Variants in CADM1 observed in about 807,000 individuals in gnomAD.
CADM1 encodes the protein cell adhesion molecule 1.
CADM1 carries 15 observed loss-of-function variants against 53.1 expected under a neutral mutation model. The ratio of observed to expected loss-of-function variants is 0.28; its 90% CI spans 0.19 to 0.44. The LOEUF is 0.44. Among genes scored for constraint, CADM1 ranks in the 20% least tolerant of loss-of-function variants. CADM1 has a pLI of 1.00. For synonymous variants in CADM1, 281 were observed against 243.0 expected (o/e 1.16, Z -1.45); for missense variants, 434 against 611.3 (o/e 0.71, Z 3.06).
chr11:115,485,523 A>T (rs1949354712), intron 1 of CADM1, among the ~76,000 whole-genome samples: 1 of 152,200 alleles, frequency 6.6e-6, no homozygotes, highest in African/African-American at 2.4e-5. Context: ...ACCCAGTGGG[A>T]GACAACTGAA....
chr11:115,473,469 G>C (rs314501), intron 1 of CADM1, among the ~76,000 whole-genome samples: 7,327 of 152,150 alleles, frequency 0.048, 210 homozygotes, highest in Middle Eastern at 0.092. Context: ...AAAAAGAAAA[G>C]TAACTACCTC....
intron 1 of CADM1, among the ~76,000 whole-genome samples, chr11:115,242,020 T>A (rs893868683): frequency 7.5e-5 from 11 of 146,876 alleles, no homozygotes; most frequent in Non-Finnish European, 1.2e-4. Context: ...GTGAGAGGGG[T>A]GGCTAAGATG....
At chr11:115,239,332 C>A (rs545068359) in intron 2 of CADM1, among the ~76,000 whole-genome samples, 20 of 152,276 alleles carry the variant, frequency 1.3e-4, no homozygotes, top group African/African-American at 4.8e-4. Context: ...CTCGAGCCTA[C>A]GGAGGCCTTA....
At chr11:115,265,586 T>C (rs1455654264) in intron 1 of CADM1, among the ~76,000 whole-genome samples, 1 of 152,180 alleles carries the variant, frequency 6.6e-6, no homozygotes, top group Non-Finnish European at 1.5e-5. Context: ...AGTTTCCCTG[T>C]CTCCACCATT....
intron 1 of CADM1, among the ~76,000 whole-genome samples, chr11:115,457,470 A>G (rs1948704985): frequency 6.6e-6 from 1 of 152,206 alleles, no homozygotes; most frequent in South Asian, 2.1e-4. Context: ...CAAAATACAA[A>G]TGAGAAATTC....
At chr11:115,222,374 G>T (rs907662745) in intron 5 of CADM1, among the ~76,000 whole-genome samples, 1 of 152,102 alleles carries the variant, frequency 6.6e-6, no homozygotes, top group African/African-American at 2.4e-5. Flanking sequence ...TAAATTGTTG[G>T]GGGAGGACAG....
intron 1 of CADM1, among the ~76,000 whole-genome samples, chr11:115,498,776 C>T (rs529172213): frequency 4.8e-4 from 73 of 152,180 alleles, no homozygotes; most frequent in Admixed American, 1.0e-3. Flanking sequence ...GAATACTGTG[C>T]GTACGGCCAG....
intron 1 of CADM1, among the ~76,000 whole-genome samples, chr11:115,406,513 ATATAT>A (rs1420530859): frequency 5.4e-5 from 8 of 148,258 alleles, no homozygotes; most frequent in African/African-American, 7.3e-5. Flanking sequence ...TATAAATATT[ATATAT>A]TATATTTATA....
intron 1 of CADM1, among the ~76,000 whole-genome samples, chr11:115,391,947 A>C (rs1038947458): frequency 7.2e-5 from 11 of 152,328 alleles, no homozygotes; most frequent in African/African-American, 2.6e-4. Context: ...AGAGCACAGA[A>C]TTAAATCTGT....
intron 1 of CADM1, among the ~76,000 whole-genome samples, chr11:115,362,528 CA>C (rs1251766173): frequency 6.6e-6 from 1 of 152,168 alleles, no homozygotes; most frequent in African/African-American, 2.4e-5. Flanking sequence ...GATAAGTTTG[CA>C]GTTTAGTTGG....
rs1275664536 is a variant in CADM1, at chr11:115,174,573, C to T, written c.*1901G>A. On this transcript the variant is annotated 3_prime_UTR_variant, in exon 12 of 12. Coordinates refer to ENST00000331581, the MANE Select transcript of CADM1 (RefSeq NM_001301043.2). The stretch of plus-strand genomic sequence containing the variant: ...AAAAGGCCCCCATATTGCAATGGTT[C>T]TATCAAAGGTTAAAATAAAGACAAG... 1.0e-6 allele frequency: 1 copy of T among 984,712 alleles called. No individual in the cohort carries two copies. The highest frequency in any genetic ancestry group is 1.8e-5 in the African/African-American group (1 of 57,138). The allele number at this position is 984,712 out of a possible 1,614,324, so 61.0% of individuals were successfully genotyped here. A position where few individuals can be genotyped will look rare whatever the true frequency, so the allele number is the denominator to read the frequency against.
chr11:115,226,882 A>G (rs1565310207), intron 5 of CADM1, among the ~76,000 whole-genome samples: 2 of 152,154 alleles, frequency 1.3e-5, no homozygotes, highest in African/African-American at 4.8e-5. Flanking sequence ...TTCCTGGCTG[A>G]CTCTGCAAAG....
chr11:115,254,525 A>C (rs1371786237), intron 1 of CADM1, among the ~76,000 whole-genome samples: 4 of 150,432 alleles, frequency 2.7e-5, no homozygotes, highest in Admixed American at 2.0e-4. Flanking sequence ...TACTTTAAGA[A>C]GTTCCTAATG....
chr11:115,386,512 G>C (rs1001022734), intron 1 of CADM1, among the ~76,000 whole-genome samples: 1 of 152,216 alleles, frequency 6.6e-6, no homozygotes, highest in Non-Finnish European at 1.5e-5. Context: ...CATCTGGTGA[G>C]AGCCTTCTTG....
intron 1 of CADM1, among the ~76,000 whole-genome samples, chr11:115,397,983 C>T (rs1947045338): frequency 6.6e-6 from 1 of 152,146 alleles, no homozygotes; most frequent in African/African-American, 2.4e-5. Context: ...TATGGAATCA[C>T]TCACCCTCTC....
Position 115,321,889 on chromosome 11 carries a change from C to A in CADM1, c.125-81469G>T, listed in dbSNP as rs527498543. ...TGCTGTGTCTTACTGCTTAATTAAA[C>A]TAAAACTGGTAGGTTCTTAATTCTC... On this transcript the variant is annotated intron_variant, in intron 1 of 11. Transcript: ENST00000331581. Among the ~76,000 whole-genome samples the A allele has an allele frequency of 4.4e-4, 67 of 152,286 alleles. 2 individuals carry two copies. The Middle Eastern group carries it at 0.01, about 23-fold the overall frequency.
intron 1 of CADM1, among the ~76,000 whole-genome samples, chr11:115,402,406 G>A (rs748422733): frequency 6.6e-6 from 1 of 151,788 alleles, no homozygotes; most frequent in Non-Finnish European, 1.5e-5. Flanking sequence ...GCCTGTAGTC[G>A]CAGCTACTCA....
At chr11:115,290,087 T>C (rs1943848474) in intron 1 of CADM1, among the ~76,000 whole-genome samples, 1 of 152,052 alleles carries the variant, frequency 6.6e-6, no homozygotes, top group African/African-American at 2.4e-5. Context: ...GAACAGTGCC[T>C]GGGAGGACTT....
In CADM1 at chr11:115,480,192, C is replaced by T. The variant is rs146651071; in HGVS notation, c.124+24079G>A. Among the ~76,000 whole-genome samples the T allele has an allele frequency of 3.3e-5, 5 of 152,214 alleles. No homozygotes were observed. The East Asian group carries it at 9.6e-4, about 29-fold the overall frequency. On this transcript the variant is annotated intron_variant, in intron 1 of 11. Transcript: ENST00000331581. ...TATTTATTTTTAGCATCCTAGAATACTGTTATACCTGCTTGAACTCCACAA... is the reference window on the plus strand; with the variant it reads ...TATTTATTTTTAGCATCCTAGAATATTGTTATACCTGCTTGAACTCCACAA...
Sources: gnomAD v4.1 joint callset for allele counts (sites outside exome capture counted in the v4.1 genomes callset) on GRCh38, gnomAD v4.1.1 for gene constraint, MANE v1.5 for transcripts, NCBI Gene and HGNC (gene_info 2026-07-23, HGNC 2026-07-21) for gene names.